The following STXBP5L variants were observed in gnomAD, a reference collection of about 807,000 sequenced individuals.
STXBP5L encodes syntaxin-binding protein 5-like.
STXBP5L carries 65 observed loss-of-function variants against 144.5 expected under a neutral mutation model. The observed-to-expected ratio is 0.45, with a 90% confidence interval of 0.37 to 0.55. STXBP5L has a LOEUF of 0.55. STXBP5L is among the 20% of genes least tolerant of loss of function. STXBP5L has a pLI of 0.00. For synonymous variants in STXBP5L, 505 were observed against 469.6 expected (o/e 1.08, Z -0.97); for missense variants, 1,298 against 1,405.5 (o/e 0.92, Z 1.22).
At chr3:121,394,085 G>A (rs1454195370) in intron 22 of STXBP5L, among the ~76,000 whole-genome samples, 2 of 152,014 alleles carry the variant, frequency 1.3e-5, no homozygotes, top group Non-Finnish European at 2.9e-5. Context: ...ATTTGTTTGT[G>A]TCATCTCAAT....
intron 3 of STXBP5L, among the ~76,000 whole-genome samples, chr3:120,992,006 A>G (rs1027535660): frequency 3.9e-5 from 6 of 152,076 alleles, no homozygotes; most frequent in Non-Finnish European, 8.8e-5. Flanking sequence ...AAAAATTAAT[A>G]TTTATATGGT....
At chr3:120,983,852 C>T (rs1386214849) in intron 3 of STXBP5L, among the ~76,000 whole-genome samples, 3 of 152,160 alleles carry the variant, frequency 2.0e-5, no homozygotes, top group Non-Finnish European at 4.4e-5. Context: ...TTAGACAATC[C>T]ATTCAAAGTG....
intron 19 of STXBP5L, among the ~76,000 whole-genome samples, chr3:121,284,417 A>G (rs2051163489): frequency 1.3e-5 from 2 of 152,060 alleles, no homozygotes; most frequent in Non-Finnish European, 1.5e-5. Context: ...AAATGCTTCC[A>G]GTGTCCAGGT....
intron 7 of STXBP5L, among the ~76,000 whole-genome samples, chr3:121,135,760 C>A (rs907926715): frequency 1.3e-5 from 2 of 152,124 alleles, no homozygotes; most frequent in African/African-American, 2.4e-5. Context: ...TAACAGGCCA[C>A]AGACTGGTAC....
At chr3:121,070,583 G>A (rs1343971512) in intron 5 of STXBP5L, among the ~76,000 whole-genome samples, 1 of 151,906 alleles carries the variant, frequency 6.6e-6, no homozygotes, top group Non-Finnish European at 1.5e-5. Context: ...TTAGTAAAGA[G>A]CACCACAGTT....
rs559050881 is a variant in STXBP5L at position 120,977,819 on chromosome 3, G to T, written c.287+22782G>T. Among the ~76,000 whole-genome samples the T allele has an allele frequency of 9.9e-5, 15 of 152,264 alleles. No homozygotes were observed. In the East Asian group the frequency reaches 1.2e-3, roughly 12 times the overall value. Reference sequence around the variant, plus strand: ...TCATTTATGAAGCTTAGTTTGGCTGGATATGAAATTCTGGGTTGAAAATTC... The same window carrying T: ...TCATTTATGAAGCTTAGTTTGGCTGTATATGAAATTCTGGGTTGAAAATTC... On this transcript the variant is annotated intron_variant, in intron 3 of 26. Transcript: ENST00000471454.
In STXBP5L at chr3:121,303,264, G is replaced by T. The variant is rs573896913; in HGVS notation, c.2111-15211G>T. Among the ~76,000 whole-genome samples the T allele has an allele frequency of 3.1e-3, 466 of 152,182 alleles. 5 individuals are homozygous for T. Among genetic ancestry groups the T allele is most frequent in the African/African-American group, 0.011 (449 of 41,462 alleles). ...AAAGAAGACATTTACACAGCCAAAA[G>T]ACACATGAAAAAATGCTCATCATCA... On this transcript the variant is annotated intron_variant, in intron 19 of 26. Coordinates refer to ENST00000471454, the MANE Select transcript of STXBP5L (RefSeq NM_001308330.2).
intron 5 of STXBP5L, among the ~76,000 whole-genome samples, chr3:121,067,925 G>A (rs2041625388): frequency 6.6e-6 from 1 of 152,132 alleles, no homozygotes; most frequent in African/African-American, 2.4e-5. Flanking sequence ...GTGTTTGCAT[G>A]GCATATATAT....
chr3:120,981,935 T>C (rs893971083), intron 3 of STXBP5L, among the ~76,000 whole-genome samples: 2 of 152,216 alleles, frequency 1.3e-5, no homozygotes, highest in African/African-American at 4.8e-5. Flanking sequence ...AGGTACTGTA[T>C]GAGTTCCTTG....
chr3:120,952,529 T>G (rs1054774944), intron 2 of STXBP5L, among the ~76,000 whole-genome samples: 2 of 152,094 alleles, frequency 1.3e-5, no homozygotes, highest in African/African-American at 2.4e-5. Context: ...ATTTCACTTT[T>G]AAGTCCTCAT....
intron 18 of STXBP5L, among the ~76,000 whole-genome samples, chr3:121,271,877 C>A (rs2050743452): frequency 6.6e-6 from 1 of 152,124 alleles, no homozygotes; most frequent in South Asian, 2.1e-4. Flanking sequence ...AGGAAACTTA[C>A]AATCATGGTG....
intron 3 of STXBP5L, among the ~76,000 whole-genome samples, chr3:120,979,033 A>G (rs916451329): frequency 6.6e-6 from 1 of 152,190 alleles, no homozygotes; most frequent in Admixed American, 6.5e-5. Context: ...GCCCGTTCTC[A>G]GATCTCCAGC....
At chr3:121,149,855 GCTTT>G (rs1249579565) in intron 7 of STXBP5L, among the ~76,000 whole-genome samples, 2 of 151,904 alleles carry the variant, frequency 1.3e-5, no homozygotes, top group Non-Finnish European at 2.9e-5. Context: ...TTTTAATTCT[GCTTT>G]CTGAGATTTA....
At chr3:121,044,053 GCAAA>G (rs1560047253) in intron 4 of STXBP5L, among the ~76,000 whole-genome samples, 2 of 152,082 alleles carry the variant, frequency 1.3e-5, no homozygotes, top group Non-Finnish European at 1.5e-5. Flanking sequence ...AATAAAACAG[GCAAA>G]CAAACACAAA....
chr3:121,030,335 A>G (rs1946276473), intron 3 of STXBP5L, among the ~76,000 whole-genome samples: 1 of 152,142 alleles, frequency 6.6e-6, no homozygotes, highest in Admixed American at 6.5e-5. Context: ...TATACCATGG[A>G]ATATTATACA....
chr3:121,315,902 T>C (rs1405385259), intron 19 of STXBP5L, among the ~76,000 whole-genome samples: 1 of 151,178 alleles, frequency 6.6e-6, no homozygotes, highest in East Asian at 1.9e-4. Context: ...CTTGAGAGGC[T>C]GAGGCAGGAG....
At position 121,403,501 on chromosome 3, in the gene STXBP5L, A is replaced by C. The variant is rs560883358; in HGVS notation, c.2588-3742A>C. ...TAATAAATGTTTTTCTTTCTACTGA[A>C]TCATTATATAAATATATTGTTATAT... On this transcript the variant is annotated intron_variant, in intron 22 of 26. Coordinates refer to ENST00000471454, the MANE Select transcript of STXBP5L (RefSeq NM_001308330.2). Among the ~76,000 whole-genome samples, 33 of 152,270 alleles carry C rather than the reference A, an allele frequency of 2.2e-4. No homozygotes were observed. In the South Asian group the frequency reaches 6.2e-3, roughly 29 times the overall value.
Position 121,378,811 on chromosome 3 carries a change from G to A in STXBP5L, c.2272G>A (p.Gly758Ser), listed in dbSNP as rs1466031655. Reference protein sequence around the residue: ...SADVSKVNRWGPGRPPFRKAQ... With the variant: ...SADVSKVNRWSPGRPPFRKAQ... ...CGATGTTTCAAAAGTAAATCGCTGG[G>A]GTCCTGGAAGACCACCATTTCGAAA... The change falls in exon 21 of 27, where the codon GGT (glycine) becomes AGT (serine). Residue 758 changes from glycine (G) to serine (S), a missense_variant. Gly to Ser is a moderately conservative substitution (Grantham distance 56, BLOSUM62 0). Coordinates refer to ENST00000471454, the MANE Select transcript of STXBP5L (RefSeq NM_001308330.2). 20 of 1,613,546 alleles carry A rather than the reference G, an allele frequency of 1.2e-5. No homozygotes were observed. Among genetic ancestry groups the A allele is most frequent in the Non-Finnish European group, 1.6e-5 (19 of 1,179,832 alleles).
At chr3:120,945,509 G>T (rs949553006) in intron 2 of STXBP5L, among the ~76,000 whole-genome samples, 1 of 151,610 alleles carries the variant, frequency 6.6e-6, no homozygotes, top group African/African-American at 2.4e-5. Context: ...AGTATTATTT[G>T]AATAGGATAT....
Sources: gnomAD v4.1 joint callset for allele counts (sites outside exome capture counted in the v4.1 genomes callset) on GRCh38, gnomAD v4.1.1 for gene constraint, MANE v1.5 for transcripts, NCBI Gene and HGNC (gene_info 2026-07-23, HGNC 2026-07-21) for gene names.